Variants in ZBTB20 observed in about 807,000 individuals in gnomAD.
ZBTB20 encodes zinc finger and BTB domain containing 20, also known as zinc finger and BTB domain-containing protein 20.
In ZBTB20, 9 loss-of-function variants were observed where a neutral mutation model predicts 56.9. The ratio of observed to expected loss-of-function variants is 0.16; its 90% CI spans 0.10 to 0.28. The LOEUF (loss-of-function observed/expected upper bound fraction) is 0.28. Among genes scored for constraint, ZBTB20 ranks in the 10% least tolerant of loss-of-function variants. ZBTB20 has a pLI of 1.00. For missense variants in ZBTB20, 655 were observed against 1,003.0 expected, an observed-to-expected ratio of 0.65 and a Z score of 4.69; for synonymous variants, 417 against 420.7, an observed-to-expected ratio of 0.99 and a Z score of 0.11.
intron 1 of ZBTB20, among the ~76,000 whole-genome samples, chr3:115,125,929 A>C (rs1188026011): frequency 1.3e-5 from 2 of 152,186 alleles, no homozygotes; most frequent in Non-Finnish European, 2.9e-5. Flanking sequence ...CCCTAAAAGA[A>C]GTGAAAAGAC....
chr3:115,118,059 G>C (rs530937984), intron 1 of ZBTB20, among the ~76,000 whole-genome samples: 4 of 152,290 alleles, frequency 2.6e-5, no homozygotes, highest in Admixed American at 6.5e-5. Context: ...TCATAGCAAA[G>C]AGAAGGCAAA....
At chr3:114,916,241 G>A (rs896788662) in intron 3 of ZBTB20, among the ~76,000 whole-genome samples, 1 of 151,998 alleles carries the variant, frequency 6.6e-6, no homozygotes, top group Non-Finnish European at 1.5e-5. Context: ...CCAGTGTTGG[G>A]TGTATATTTA....
At chr3:114,527,734 A>AC (rs781196415) in intron 6 of ZBTB20, among the ~76,000 whole-genome samples, 2 of 152,216 alleles carry the variant, frequency 1.3e-5, no homozygotes, top group Non-Finnish European at 2.9e-5. Context: ...CTGGAGGCTG[A>AC]CCATATATTC....
intron 7 of ZBTB20, among the ~76,000 whole-genome samples, chr3:114,465,721 A>G (rs912703526): frequency 6.6e-6 from 1 of 151,942 alleles, no homozygotes; most frequent in African/African-American, 2.4e-5. Context: ...AAAAAAAAGA[A>G]AGAAAGAAAA....
chr3:114,488,962 C>G (rs2042437598), intron 7 of ZBTB20, among the ~76,000 whole-genome samples: 2 of 151,958 alleles, frequency 1.3e-5, no homozygotes, highest in African/African-American at 4.8e-5. Context: ...TACAAAACAG[C>G]AAGTAACTTC....
At chr3:114,421,545 T>G (rs1206541391) in intron 7 of ZBTB20, among the ~76,000 whole-genome samples, 2 of 152,142 alleles carry the variant, frequency 1.3e-5, no homozygotes, top group Non-Finnish European at 2.9e-5. Context: ...GCCTAACAGC[T>G]TTTGAATCCA....
chr3:115,004,401 T>A (rs2079382177), intron 2 of ZBTB20, among the ~76,000 whole-genome samples: 1 of 151,720 alleles, frequency 6.6e-6, no homozygotes, highest in African/African-American at 2.4e-5. Context: ...ACCAAGAGTC[T>A]TTGCCTTTAA....
intron 2 of ZBTB20, among the ~76,000 whole-genome samples, chr3:115,047,389 GCTTT>G (rs1429787437): frequency 2.6e-5 from 4 of 152,120 alleles, no homozygotes; most frequent in African/African-American, 7.2e-5. Context: ...TTGTCAGTGG[GCTTT>G]CTATTTGTGC....
chr3:114,935,448 T>G (rs1369426543), intron 3 of ZBTB20, among the ~76,000 whole-genome samples: 1 of 152,192 alleles, frequency 6.6e-6, no homozygotes, highest in Non-Finnish European at 1.5e-5. Context: ...ATATGTTACA[T>G]TATGAAGTGT....
At chr3:114,474,432 A>T (rs1282088480) in intron 7 of ZBTB20, among the ~76,000 whole-genome samples, 2 of 152,256 alleles carry the variant, frequency 1.3e-5, no homozygotes, top group Non-Finnish European at 2.9e-5. Context: ...ACCTGCAAGC[A>T]GCCAAAATTG....
chr3:114,315,775 C>T lies in ZBTB20; in HGVS notation c.*23230G>A, dbSNP rs1366927749. 1 of 152,216 alleles carries T rather than the reference C, an allele frequency of 6.6e-6. No individual in the cohort carries two copies. Among genetic ancestry groups the T allele is most frequent in the African/African-American group, 2.4e-5 (1 of 41,416 alleles). 9.4% of individuals were successfully genotyped at this position (152,216 alleles called of 1,614,324 possible). On this transcript the variant is annotated 3_prime_UTR_variant, in exon 12 of 12. Transcript: ENST00000675478. ...TTTCAGCAGTCACCACAGTAAACTT[C>T]ATTGAGAACATACATGCCCAGATAT...
chr3:114,789,348 T>C (rs530842780), intron 5 of ZBTB20, among the ~76,000 whole-genome samples: 2 of 152,290 alleles, frequency 1.3e-5, no homozygotes, highest in African/African-American at 4.8e-5. Flanking sequence ...CATGTTAAAT[T>C]TGACTTCACT....
chr3:114,507,640 T>G (rs1479018154), intron 6 of ZBTB20, among the ~76,000 whole-genome samples: 6 of 152,126 alleles, frequency 3.9e-5, no homozygotes, highest in Non-Finnish European at 8.8e-5. Flanking sequence ...TTCCTGACTC[T>G]CTTAAAATAG....
chr3:114,922,404 G>T (rs2075994078), intron 3 of ZBTB20, among the ~76,000 whole-genome samples: 1 of 151,982 alleles, frequency 6.6e-6, no homozygotes, highest in African/African-American at 2.4e-5. Context: ...AATCTTATAT[G>T]TAGAAAAACC....
chr3:114,591,406 C>G (rs951232263), intron 6 of ZBTB20, among the ~76,000 whole-genome samples: 2 of 152,152 alleles, frequency 1.3e-5, no homozygotes, highest in African/African-American at 2.4e-5. Context: ...GGAAGTCATT[C>G]TTTATTTTCA....
chr3:115,044,131 T>C (rs1051739796), intron 2 of ZBTB20, among the ~76,000 whole-genome samples: 2 of 152,194 alleles, frequency 1.3e-5, no homozygotes, highest in Non-Finnish European at 2.9e-5. Context: ...TGCAGAACTA[T>C]GAGCCAATTA....
intron 1 of ZBTB20, among the ~76,000 whole-genome samples, chr3:115,110,337 G>A: frequency 6.6e-6 from 1 of 152,188 alleles, no homozygotes; most frequent in East Asian, 1.9e-4. Context: ...CCATAGGGAT[G>A]ATTCAAAATA....
At position 114,849,581 on chromosome 3, in the gene ZBTB20, A is replaced by G. The variant is rs534325673; in HGVS notation, c.-416-48407T>C. Among the ~76,000 whole-genome samples, 15 of 152,340 alleles carry G rather than the reference A, an allele frequency of 9.8e-5. No individual in the cohort carries two copies. The South Asian group carries it at 3.1e-3, about 32-fold the overall frequency. On this transcript the variant is annotated intron_variant, in intron 4 of 11. Coordinates refer to ENST00000675478, the MANE Select transcript of ZBTB20 (RefSeq NM_001348800.3). ...TTGATATTTATACACTAAATTATCA[A>G]ACTACTATTTGTTTTTAATTAATTC...
At chr3:114,477,248 C>T (rs950553694) in intron 7 of ZBTB20, among the ~76,000 whole-genome samples, 1 of 152,104 alleles carries the variant, frequency 6.6e-6, no homozygotes, top group African/African-American at 2.4e-5. Context: ...TAATTTAGAT[C>T]CATAATTACC....
Sources: gnomAD v4.1 joint callset for allele counts (sites outside exome capture counted in the v4.1 genomes callset) on GRCh38, gnomAD v4.1.1 for gene constraint, MANE v1.5 for transcripts, NCBI Gene and HGNC (gene_info 2026-07-23, HGNC 2026-07-21) for gene names.